Variants in MSRA observed in about 807,000 individuals in gnomAD.
The protein encoded by MSRA is methionine sulfoxide reductase A.
Under a neutral mutation model 31.3 loss-of-function variants are expected in MSRA, and 54 were observed. The observed-to-expected ratio is 1.73, with a 90% CI of 1.39 to 2.17. The LOEUF (loss-of-function observed/expected upper bound fraction) is 2.17, where lower values mean the gene tolerates loss of function less well. MSRA is among the 30% of genes most tolerant of loss of function. MSRA has a pLI of 0.00. For synonymous variants in MSRA, 169 were observed against 116.5 expected, an observed-to-expected ratio of 1.45 and a Z score of -2.90; for missense variants, 507 against 300.9, an observed-to-expected ratio of 1.69 and a Z score of -5.07.
intron 5 of MSRA, 106 bp from the exon 6 acceptor site, chr8:10,428,042 C>G: frequency 2.3e-6 from 3 of 1,287,122 alleles, no homozygotes; most frequent in South Asian, 3.1e-5. Flanking sequence ...ACTGCACATC[C>G]CAAGCCACGC....
intron 5 of MSRA, among the ~76,000 whole-genome samples, chr8:10,351,254 T>TC (rs1804125981): frequency 7.3e-6 from 1 of 137,744 alleles, no homozygotes; most frequent in Admixed American, 7.2e-5. Flanking sequence ...ACTTTTTTTT[T>TC]TTTTTTTTTT....
intron 5 of MSRA, among the ~76,000 whole-genome samples, chr8:10,397,506 C>T (rs1374884860): frequency 6.6e-6 from 1 of 152,172 alleles, no homozygotes; most frequent in Non-Finnish European, 1.5e-5. Flanking sequence ...CTGTGCTCTT[C>T]TTTGGGAGTG....
chr8:10,275,888 C>T (rs546894564), intron 3 of MSRA, among the ~76,000 whole-genome samples: 3 of 152,192 alleles, frequency 2.0e-5, no homozygotes, highest in East Asian at 1.9e-4. Context: ...ATCTGGAACT[C>T]GTTTGTTTTT....
At chr8:10,366,579 G>A (rs1259894885) in intron 5 of MSRA, among the ~76,000 whole-genome samples, 1 of 152,188 alleles carries the variant, frequency 6.6e-6, no homozygotes, top group East Asian at 1.9e-4. Context: ...TTGGTTTTTG[G>A]CCAGAGAGTG....
intron 1 of MSRA, among the ~76,000 whole-genome samples, chr8:10,129,860 A>G (rs576724417): frequency 1.4e-5 from 2 of 140,786 alleles, no homozygotes; most frequent in East Asian, 2.1e-4. Context: ...AAATAGTTCC[A>G]TTCCCCATAT....
intron 1 of MSRA, among the ~76,000 whole-genome samples, chr8:10,071,212 G>A (rs753749425): frequency 6.6e-6 from 1 of 152,204 alleles, no homozygotes; most frequent in Non-Finnish European, 1.5e-5. Context: ...GCTATGTAGT[G>A]ATATCTCATC....
At chr8:10,338,585 A>G (rs1327983356) in intron 5 of MSRA, among the ~76,000 whole-genome samples, 2 of 152,262 alleles carry the variant, frequency 1.3e-5, no homozygotes, top group Admixed American at 6.5e-5. Flanking sequence ...ATATTAAAAC[A>G]TCATGCACTC....
chr8:10,382,897 G>A lies in MSRA; in HGVS notation c.544-45251G>A, dbSNP rs575525802. 2.6e-5 allele frequency among the ~76,000 whole-genome samples: 4 copies of A among 152,124 alleles called. No homozygotes were observed. In the South Asian group the frequency reaches 8.3e-4, roughly 32 times the overall value. ...TAGATAATACTCTTCACCCTCCACC[G>A]CCAGCTCCCTTTCAGGTCTTCATCT... On this transcript the variant is annotated intron_variant, in intron 5 of 5. Transcript: ENST00000317173.
At chr8:10,200,272 T>A (rs1019596862) in intron 1 of MSRA, among the ~76,000 whole-genome samples, 1 of 152,202 alleles carries the variant, frequency 6.6e-6, no homozygotes, top group Non-Finnish European at 1.5e-5. Context: ...CTGATTTGTT[T>A]TTCGTGCTGT....
chr8:10,105,176 C>T (rs145774957), intron 1 of MSRA, among the ~76,000 whole-genome samples: 94 of 152,108 alleles, frequency 6.2e-4, no homozygotes, highest in Admixed American at 1.6e-3. Context: ...TTATGCTCAT[C>T]GAAGATACCT....
At position 10,204,008 on chromosome 8, in the gene MSRA, A is replaced by C. The variant is rs549412743; in HGVS notation, c.143-3825A>C. 5.9e-5 allele frequency among the ~76,000 whole-genome samples: 9 copies of C among 152,254 alleles called. No homozygotes were observed. The South Asian group carries it at 1.7e-3, about 28-fold the overall frequency. On this transcript the variant is annotated intron_variant, in intron 1 of 5. Coordinates refer to ENST00000317173, the MANE Select transcript of MSRA (RefSeq NM_012331.5). The stretch of plus-strand genomic sequence containing the variant: ...ATAGAAGTTTTCAACAAAATTTAAA[A>C]AGTAAAAAATGAAAATTTTAAAAAT...
chr8:10,199,928 T>G (rs951717708), intron 1 of MSRA, among the ~76,000 whole-genome samples: 4 of 152,128 alleles, frequency 2.6e-5, no homozygotes, highest in Admixed American at 6.5e-5. Flanking sequence ...GGAGTGAACA[T>G]GAGCCAAAGG....
At chr8:10,427,439 G>C (rs1239192315) in intron 5 of MSRA, among the ~76,000 whole-genome samples, 3 of 152,188 alleles carry the variant, frequency 2.0e-5, no homozygotes, top group African/African-American at 7.2e-5. Context: ...ACGTAAACTA[G>C]GACGCAGAGG....
chr8:10,348,126 G>A (rs183691346), intron 5 of MSRA, among the ~76,000 whole-genome samples: 2 of 152,146 alleles, frequency 1.3e-5, no homozygotes, highest in African/African-American at 4.8e-5. Context: ...GAATTCAAAC[G>A]TGCAGTTAAG....
chr8:10,066,069 C>T (rs1357833021), intron 1 of MSRA, among the ~76,000 whole-genome samples: 1 of 151,928 alleles, frequency 6.6e-6, no homozygotes, highest in Non-Finnish European at 1.5e-5. Context: ...GTCGGCCAGG[C>T]TGGAGTGCAG....
intron 3 of MSRA, among the ~76,000 whole-genome samples, chr8:10,293,536 C>T (rs1005258202): frequency 3.3e-5 from 5 of 152,222 alleles, no homozygotes; most frequent in African/African-American, 4.8e-5. Context: ...CAGCCTCCCC[C>T]ACTTGATATT....
chr8:10,129,081 T>C (rs1037042291), intron 1 of MSRA, among the ~76,000 whole-genome samples: 1 of 152,220 alleles, frequency 6.6e-6, no homozygotes, highest in Non-Finnish European at 1.5e-5. Flanking sequence ...TTTATGCAAA[T>C]AGAGGCAGTG....
At chr8:10,279,599 C>T (rs941607907) in intron 3 of MSRA, among the ~76,000 whole-genome samples, 1 of 152,126 alleles carries the variant, frequency 6.6e-6, no homozygotes, top group Admixed American at 6.6e-5. Flanking sequence ...CATCCCCACC[C>T]CTAGCAAGGT....
intron 2 of MSRA, among the ~76,000 whole-genome samples, chr8:10,217,025 C>T (rs1810053168): frequency 6.6e-6 from 1 of 152,234 alleles, no homozygotes; most frequent in Non-Finnish European, 1.5e-5. Flanking sequence ...CACCAGCGAA[C>T]CACAAGGGTT....
Sources: gnomAD v4.1 joint callset for allele counts (sites outside exome capture counted in the v4.1 genomes callset) on GRCh38, gnomAD v4.1.1 for gene constraint, MANE v1.5 for transcripts, NCBI Gene and HGNC (gene_info 2026-07-23, HGNC 2026-07-21) for gene names.